Variants in SYCP2 observed in about 807,000 individuals in gnomAD.
SYCP2 encodes the protein synaptonemal complex lateral element protein.
In SYCP2, 55 loss-of-function variants were observed where a neutral mutation model predicts 211.3. That is an observed-to-expected ratio of 0.26 (90% CI 0.21 to 0.33). The LOEUF (loss-of-function observed/expected upper bound fraction) is 0.33. SYCP2 is among the 10% of genes least tolerant of loss of function. The probability of loss-of-function intolerance (pLI) is 1.00; values close to 1 mark genes in which losing one functional copy is unlikely to be tolerated. For synonymous variants in SYCP2, 570 were observed against 555.2 expected, an observed-to-expected ratio of 1.03 and a Z score of -0.37; for missense variants, 1,731 against 1,752.0, an observed-to-expected ratio of 0.99 and a Z score of 0.21.
intron 31 of SYCP2, among the ~76,000 whole-genome samples, chr20:59,879,860 T>TAC (rs1222698665): frequency 4.9e-4 from 59 of 120,596 alleles, no homozygotes; most frequent in Non-Finnish European, 9.3e-4. Flanking sequence ...TATATATATA[T>TAC]ATACACACAC....
intron 2 of SYCP2, among the ~76,000 whole-genome samples, 178 bp downstream of exon 2, chr20:59,931,879 CAAGTT>C (rs759943751): frequency 1.3e-5 from 2 of 152,126 alleles, no homozygotes; most frequent in Non-Finnish European, 2.9e-5. Flanking sequence ...CAACATCAAA[CAAGTT>C]AACATTTGCA....
chr20:59,919,180 G>A lies in SYCP2; in HGVS notation c.405C>T (p.Val135=). Reference sequence around the variant, plus strand: ...TACCTTCATCACTGACATCATGTATGACCTGAAAAAAAGTGAATAATATTT... The same window carrying A: ...TACCTTCATCACTGACATCATGTATAACCTGAAAAAAAGTGAATAATATTT... ...MIEDLVDLLL[V]IHDVSDEGKK... Residue 135 remains valine (V), a splice_region_variant and synonymous_variant, in exon 7 of 45, where the codon GTC becomes GTT. Transcript: ENST00000357552. 1 of 1,268,652 alleles carries A rather than the reference G, an allele frequency of 7.9e-7. No individual in the cohort carries two copies. The highest frequency in any genetic ancestry group is 1.1e-6 in the Non-Finnish European group (1 of 890,268). 78.6% of individuals were successfully genotyped at this position (1,268,652 alleles called of 1,614,324 possible).
At chr20:59,921,505 C>T in intron 3 of SYCP2, 52 bp from the exon 4 acceptor site, 1 of 1,350,470 alleles carries the variant, frequency 7.4e-7, no homozygotes, top group South Asian at 1.7e-5. Flanking sequence ...AAATTAATTA[C>T]CTTATGCAAT....
At chr20:59,883,846 T>C (rs1476321291) in intron 26 of SYCP2, among the ~76,000 whole-genome samples, 2 of 152,104 alleles carry the variant, frequency 1.3e-5, no homozygotes, top group Admixed American at 1.3e-4. Flanking sequence ...TTGTATTATA[T>C]AATAGTTTGT....
intron 31 of SYCP2, among the ~76,000 whole-genome samples, chr20:59,878,504 A>C (rs143069360): frequency 6.6e-6 from 1 of 152,308 alleles, no homozygotes; most frequent in African/African-American, 2.4e-5. Context: ...TAAGTTAAAA[A>C]GTTAACACCT....
rs2059921143 is a variant in SYCP2 at position 59,892,220 on chromosome 20, T to C, written c.2134A>G (p.Lys712Glu). 1.2e-6 allele frequency: 2 copies of C among 1,612,898 alleles called. No homozygotes were observed. The highest frequency in any genetic ancestry group is 4.5e-5 in the East Asian group (2 of 44,812). Residue 712 changes from lysine (K) to glutamate (E), a missense_variant, in exon 24 of 45, where the codon AAG becomes GAG. Around this residue, in one of 3 missense-constraint regions of SYCP2, gnomAD observed 1,387 missense variants for 1,351.3 expected, o/e 1.03. Transcript: ENST00000357552. ...YSGQKNTENA[K>E]QSDWPVESET... The stretch of plus-strand genomic sequence containing the variant: ...GATTCAACAGGCCAATCACTCTGCT[T>C]GGCATTTTCAGTATTTTTCTGCCCT...
chr20:59,907,416 T>G lies in SYCP2; in HGVS notation c.981A>C (p.Gln327His). The change falls in exon 15 of 45, where the codon CAA becomes CAC. Residue 327 changes from glutamine (Q) to histidine (H), a missense_variant. Physicochemically the swap from Gln to His is conservative, Grantham distance 24. Around this residue, in one of 3 missense-constraint regions of SYCP2, gnomAD observed 335 missense variants for 378.8 expected, o/e 0.88. Coordinates refer to ENST00000357552, the MANE Select transcript of SYCP2 (RefSeq NM_014258.4). ...CCTCTGGCACAGTAACTGCTTCCCA[T>G]TGATGATCCTTAAATTTAAAAGCAG... ...FYIAGDNDDHQWEAVTVPEEK... is the reference protein window; with the variant it reads ...FYIAGDNDDHHWEAVTVPEEK... 1.9e-6 allele frequency: 3 copies of G among 1,611,186 alleles called. No homozygotes were observed. The highest frequency in any genetic ancestry group is 2.5e-6 in the Non-Finnish European group (3 of 1,178,136).
intron 34 of SYCP2, 120 bp from the exon 35 acceptor site, chr20:59,874,181 TAA>T (rs1374108507): frequency 1.9e-6 from 1 of 526,676 alleles, no homozygotes; most frequent in Non-Finnish European, 3.1e-6. Context: ...ATCTTAGCTA[TAA>T]AAAAGGATAG....
At chr20:59,905,684 G>A (rs1163005677) in intron 15 of SYCP2, among the ~76,000 whole-genome samples, 1 of 152,146 alleles carries the variant, frequency 6.6e-6, no homozygotes, top group African/African-American at 2.4e-5. Context: ...ATGGTTTCAT[G>A]TGCATAGACA....
intron 15 of SYCP2, among the ~76,000 whole-genome samples, chr20:59,905,799 A>T (rs531606621): frequency 6.6e-6 from 1 of 152,274 alleles, no homozygotes; most frequent in South Asian, 2.1e-4. Context: ...TTCTTTCCTA[A>T]GCAAAGATTG....
chr20:59,905,180 T>C (rs1313233098), intron 15 of SYCP2, among the ~76,000 whole-genome samples: 1 of 152,096 alleles, frequency 6.6e-6, no homozygotes, highest in Non-Finnish European at 1.5e-5. Context: ...AACGGTAAAA[T>C]CACTTTGGAC....
At chr20:59,922,634 T>C (rs1192534361) in intron 2 of SYCP2, among the ~76,000 whole-genome samples, 175 bp from the exon 3 acceptor site, 1 of 151,784 alleles carries the variant, frequency 6.6e-6, no homozygotes, top group Admixed American at 6.6e-5. Context: ...AATAAGTTTC[T>C]AGAGAAAAGC....
At chr20:59,929,238 T>C (rs974720861) in intron 2 of SYCP2, among the ~76,000 whole-genome samples, 1 of 151,944 alleles carries the variant, frequency 6.6e-6, no homozygotes, top group Non-Finnish European at 1.5e-5. Flanking sequence ...TGGCAAAAAC[T>C]AAAGAGACTG....
At chr20:59,901,928 AAC>A in intron 15 of SYCP2, 118 bp from the exon 16 acceptor site, 1 of 786,028 alleles carries the variant, frequency 1.3e-6, no homozygotes, top group Non-Finnish European at 1.9e-6. Flanking sequence ...CTCAATATTG[AAC>A]AGTGTTTAAA....
chr20:59,877,077 G>A (rs77288367), intron 33 of SYCP2, among the ~76,000 whole-genome samples: 2,112 of 152,170 alleles, frequency 0.014, 58 homozygotes, highest in African/African-American at 0.048. Context: ...CAGACACACA[G>A]CTTCTCCATG....
intron 26 of SYCP2, among the ~76,000 whole-genome samples, chr20:59,883,016 T>C (rs1352511246): frequency 6.6e-6 from 1 of 152,114 alleles, no homozygotes; most frequent in Non-Finnish European, 1.5e-5. Context: ...TGAATAAAAA[T>C]ATATGCAAAA....
At chr20:59,881,347 T>C (rs890330168) in intron 29 of SYCP2, 90 bp downstream of exon 29, 29 of 711,466 alleles carry the variant, frequency 4.1e-5, no homozygotes, top group Non-Finnish European at 6.1e-5. Flanking sequence ...TTATTCACTC[T>C]TCTCATTTGT....
At position 59,875,489 on chromosome 20, in the gene SYCP2, T is replaced by C. The variant is rs2059537199; in HGVS notation, c.3151-20A>G. ...CTCCTCCTAAATGTATCAATAACTT[T>C]CAAATTATACTCAAGTACAAATATT... On this transcript the variant is annotated intron_variant, in intron 33 of 44. Transcript: ENST00000357552. 1 of 1,566,594 alleles carries C rather than the reference T, an allele frequency of 6.4e-7. No individual in the cohort carries two copies. The highest frequency in any genetic ancestry group is 8.7e-7 in the Non-Finnish European group (1 of 1,147,238).
At chr20:59,920,577 T>C (rs1443136203) in intron 4 of SYCP2, 90 bp from the exon 5 acceptor site, 1 of 1,032,300 alleles carries the variant, frequency 9.7e-7, no homozygotes, top group Admixed American at 2.4e-5. Context: ...TATATTTTAA[T>C]CTTCACAAAT....
Sources: allele counts gnomAD v4.1 joint callset (sites outside exome capture counted in the v4.1 genomes callset), GRCh38; gene constraint gnomAD v4.1.1; regional missense constraint gnomAD v4.1.1; transcripts MANE v1.5; gene names NCBI Gene and HGNC (gene_info 2026-07-23, HGNC 2026-07-21).